Variants in FAM13B observed in about 807,000 individuals in gnomAD.
FAM13B encodes protein FAM13B.
FAM13B carries 60 observed loss-of-function variants against 117.3 expected under a neutral mutation model. The observed-to-expected ratio is 0.51, with a 90% confidence interval of 0.42 to 0.63. The LOEUF is 0.63. Among genes scored for constraint, FAM13B ranks in the 30% least tolerant of loss-of-function variants. The pLI is 0.00. For missense variants in FAM13B, 972 were observed against 1,091.9 expected (o/e 0.89, Z 1.55); for synonymous variants, 332 against 356.1 (o/e 0.93, Z 0.76).
At chr5:138,036,362 T>C (rs550891292), upstream of FAM13B, 1 of 456,596 alleles carries the variant, frequency 2.2e-6, no homozygotes, top group Admixed American at 2.3e-5. Context: ...CTCAGGCACC[T>C]CTTGCCCGAA....
chr5:137,942,972 C>G lies in FAM13B; in HGVS notation c.2491G>C (p.Val831Leu). The change falls in exon 22 of 24, where the codon GTA (valine) becomes CTA (leucine). Residue 831 changes from valine to leucine, a missense_variant. Val to Leu is a conservative substitution (Grantham distance 32, BLOSUM62 1). Transcript: ENST00000689681. ...LGDMLKTAVQ[V>L]QSSLENSESD... Reference sequence around the variant, plus strand: ...TCAGAGTTTTCTAATGAAGACTGTACCTGTACTGCAGTTTTCAACATATCA... The same window carrying G: ...TCAGAGTTTTCTAATGAAGACTGTAGCTGTACTGCAGTTTTCAACATATCA... 1 of 1,613,396 alleles carries G rather than the reference C, an allele frequency of 6.2e-7. No individual in the cohort carries two copies. The highest frequency in any genetic ancestry group is 8.5e-7 in the Non-Finnish European group (1 of 1,179,604).
intron 11 of FAM13B, among the ~76,000 whole-genome samples, chr5:137,961,165 G>A (rs1768003402): frequency 6.6e-6 from 1 of 152,120 alleles, no homozygotes; most frequent in African/African-American, 2.4e-5. Flanking sequence ...TACTACCTTA[G>A]CAGCCTAAAA....
intron 11 of FAM13B, among the ~76,000 whole-genome samples, 194 bp downstream of exon 11, chr5:137,962,211 G>A (rs1378605532): frequency 6.6e-6 from 1 of 152,106 alleles, no homozygotes; most frequent in Non-Finnish European, 1.5e-5. Flanking sequence ...TATAACTACT[G>A]TCTGAACCTG....
chr5:138,051,498 G>A (rs2151134845), intron 1 of FAM13B, among the ~76,000 whole-genome samples: 1 of 152,248 alleles, frequency 6.6e-6, no homozygotes, highest in East Asian at 1.9e-4. Context: ...AAAAACAATG[G>A]CACACGTTAT....
intron 18 of FAM13B, among the ~76,000 whole-genome samples, chr5:137,947,643 G>A (rs1236709959): frequency 2.6e-5 from 4 of 151,746 alleles, no homozygotes; most frequent in African/African-American, 9.7e-5. Context: ...GTGCAATGGT[G>A]CAATCCTGGC....
intron 10 of FAM13B, among the ~76,000 whole-genome samples, chr5:137,979,575 A>G (rs1447083093): frequency 2.0e-5 from 3 of 152,128 alleles, no homozygotes; most frequent in Non-Finnish European, 4.4e-5. Context: ...ATCTTCTACT[A>G]TATATCCTCC....
chr5:138,034,862 GA>G (rs1450557170), upstream of FAM13B, among the ~76,000 whole-genome samples: 2 of 152,036 alleles, frequency 1.3e-5, no homozygotes, highest in Non-Finnish European at 2.9e-5. Flanking sequence ...TAAATCCGAA[GA>G]GAGTTAAAAA....
Position 137,973,191 on chromosome 5 carries a change from C to T in FAM13B, c.1180-10722G>A, listed in dbSNP as rs1305213509. On this transcript the variant is annotated intron_variant, in intron 10 of 23. Transcript: ENST00000689681. ...AAAGAACAAAGCTGGAGGCATCACA[C>T]TACCTGACTTCAAACTATACTATAA... Among the ~76,000 whole-genome samples, 6 of 152,182 alleles carry T rather than the reference C, an allele frequency of 3.9e-5. No homozygotes were observed. In the East Asian group the frequency reaches 9.6e-4, roughly 24 times the overall value.
chr5:138,011,941 A>G lies in FAM13B; in HGVS notation c.375T>C (p.Tyr125=), dbSNP rs1482090673. ...HIHLMQLSQD[Y]NNEDEFGRKL... is the part of the protein sequence containing the mutation. ...TTCTTCCAAATTCATCTTCATTATT[A>G]TAATCTATAAAACAATAATAACAGG... Residue 125 remains tyrosine (Y), a synonymous_variant, in exon 5 of 24, where the codon TAT becomes TAC. Coordinates refer to ENST00000689681, the MANE Select transcript of FAM13B (RefSeq NM_001385994.1). The G allele has an allele frequency of 6.3e-7, 1 of 1,575,456 alleles. No homozygotes were observed. The highest frequency in any genetic ancestry group is 1.8e-4 in the Middle Eastern group (1 of 5,408).
chr5:138,018,879 A>T, intron 3 of FAM13B, 76 bp downstream of exon 3: 1 of 1,259,794 alleles, frequency 7.9e-7, no homozygotes, highest in Non-Finnish European at 1.1e-6. Context: ...AAAAAAAATT[A>T]AAAATCCAAG....
At chr5:137,969,865 G>A (rs1035033448) in intron 10 of FAM13B, among the ~76,000 whole-genome samples, 10 of 152,128 alleles carry the variant, frequency 6.6e-5, no homozygotes, top group African/African-American at 2.2e-4. Context: ...TATCAGTGAT[G>A]GAAGATCAAA....
chr5:137,962,423 TCACTATCAC>T lies in FAM13B; in HGVS notation c.1217_1225del (p.Gly406_Ser408del). Reference sequence around the variant, plus strand: ...TGCTTACCTCTCAAGACAGCCATCTTCACTATCACCACGGTCACTGCATGGCTCTAACAA... The same window carrying T: ...TGCTTACCTCTCAAGACAGCCATCTTCACGGTCACTGCATGGCTCTAACAA... On this transcript the variant is annotated inframe_deletion, in exon 11 of 24. Transcript: ENST00000689681. 1 of 1,613,846 alleles carries T rather than the reference TCACTATCAC, an allele frequency of 6.2e-7. No individual in the cohort carries two copies. Among genetic ancestry groups the T allele is most frequent in the Non-Finnish European group, 8.5e-7 (1 of 1,179,828 alleles).
chr5:137,961,975 C>T (rs990565107), intron 11 of FAM13B, among the ~76,000 whole-genome samples: 2 of 152,146 alleles, frequency 1.3e-5, no homozygotes, highest in Admixed American at 1.3e-4. Flanking sequence ...TAAGAGTGTA[C>T]TGAGACACAC....
In FAM13B at chr5:137,942,953, T is replaced by C. The variant is rs751446579; in HGVS notation, c.2510A>G (p.Asn837Ser). 1.9e-6 allele frequency: 3 copies of C among 1,613,088 alleles called. No homozygotes were observed. Among genetic ancestry groups the C allele is most frequent in the Non-Finnish European group, 2.5e-6 (3 of 1,179,726 alleles). The stretch of plus-strand genomic sequence containing the variant: ...ATTTTCTTCAACATCAGATTCAGAG[T>C]TTTCTAATGAAGACTGTACCTGTAC... ...TAVQVQSSLENSESDVEENQE... is the reference protein window; with the variant it reads ...TAVQVQSSLESSESDVEENQE... The change falls in exon 22 of 24, where the codon AAC (asparagine) becomes AGC (serine). Residue 837 changes from asparagine to serine, a missense_variant. Physicochemically the swap from Asn to Ser is conservative, Grantham distance 46. Transcript: ENST00000689681.
chr5:137,947,821 G>A (rs1431523316), intron 18 of FAM13B, among the ~76,000 whole-genome samples: 1 of 152,072 alleles, frequency 6.6e-6, no homozygotes, highest in Admixed American at 6.5e-5. Context: ...CTGACCTCAG[G>A]TGATCCACCC....
intron 7 of FAM13B, 51 bp downstream of exon 7, chr5:138,006,939 C>G: frequency 2.6e-6 from 4 of 1,523,418 alleles, no homozygotes; most frequent in Non-Finnish European, 3.5e-6. Context: ...AGTGAGTTTA[C>G]ACTTAGAATG....
intron 14 of FAM13B, among the ~76,000 whole-genome samples, chr5:137,955,262 A>T (rs926785021): frequency 1.3e-5 from 2 of 152,216 alleles, no homozygotes; most frequent in Non-Finnish European, 2.9e-5. Context: ...CTGACTTTAG[A>T]AGAATTCTAA....
intron 10 of FAM13B, among the ~76,000 whole-genome samples, chr5:137,968,346 C>T: frequency 6.7e-6 from 1 of 149,426 alleles, no homozygotes; most frequent in Non-Finnish European, 1.5e-5. Flanking sequence ...GAGGCTGAGG[C>T]ATGAGACTCA....
intron 7 of FAM13B, among the ~76,000 whole-genome samples, chr5:138,000,943 C>CAAAAAAAAAAAAAAAAAAAAA (rs77100079): frequency 1.4e-5 from 2 of 141,386 alleles, no homozygotes; most frequent in African/African-American, 2.6e-5. Flanking sequence ...AAACAAAAAA[C>CAAAAAAAAAAAAAAAAAAAAA]AAAAAAAAAA....
Sources: allele counts gnomAD v4.1 joint callset (sites outside exome capture counted in the v4.1 genomes callset), GRCh38; gene constraint gnomAD v4.1.1; transcripts MANE v1.5; gene names NCBI Gene and HGNC (gene_info 2026-07-23, HGNC 2026-07-21).